MYO5B: variants seen among roughly 807,000 people sequenced by gnomAD.
MYO5B encodes the protein myosin VB.
MYO5B carries 143 observed loss-of-function variants against 229.3 expected under a neutral mutation model. The ratio of observed to expected loss-of-function variants is 0.62; its 90% CI spans 0.54 to 0.72. MYO5B has a LOEUF of 0.72. MYO5B is among the 30% of genes least tolerant of loss of function. The pLI is 0.00. For missense variants in MYO5B, 2,321 were observed against 2,331.0 expected, an observed-to-expected ratio of 1.00 and a Z score of 0.09; for synonymous variants, 918 against 885.2, an observed-to-expected ratio of 1.04 and a Z score of -0.66.
intron 1 of MYO5B, among the ~76,000 whole-genome samples, chr18:50,188,688 G>A (rs1487629798): frequency 1.3e-5 from 2 of 151,468 alleles, no homozygotes; most frequent in Non-Finnish European, 2.9e-5. Context: ...TCAGGAGGCT[G>A]AGGCCGCAGA....
intron 10 of MYO5B, 55 bp downstream of exon 10, chr18:49,974,295 T>A: frequency 6.2e-7 from 1 of 1,612,116 alleles, no homozygotes; most frequent in Non-Finnish European, 8.5e-7. Context: ...CTGTAAAGTA[T>A]GAGCAGGAAG....
At chr18:49,941,472 T>C (rs1787532) in intron 14 of MYO5B, among the ~76,000 whole-genome samples, 88,867 of 151,918 alleles carry the variant, frequency 0.58, 26,495 homozygotes, top group Middle Eastern at 0.73. Flanking sequence ...CTATTCACAA[T>C]ATGCAGAGTC....
intron 31 of MYO5B, chr18:49,850,928 A>G (rs1399562165): frequency 6.6e-6 from 1 of 152,530 alleles, no homozygotes; most frequent in African/African-American, 2.4e-5. Context: ...AGCCCAGTGA[A>G]TGGGGAGCCC....
intron 4 of MYO5B, among the ~76,000 whole-genome samples, chr18:50,012,080 G>A (rs1473822442): frequency 6.6e-6 from 1 of 151,798 alleles, no homozygotes. Flanking sequence ...TGGAGCTTAG[G>A]AAACTACTTC....
At chr18:49,954,803 A>G (rs941944283) in intron 12 of MYO5B, among the ~76,000 whole-genome samples, 1 of 152,198 alleles carries the variant, frequency 6.6e-6, no homozygotes, top group Non-Finnish European at 1.5e-5. Context: ...TCAGCATCAC[A>G]AAACACATCC....
chr18:50,027,292 C>A (rs1451183941), intron 4 of MYO5B, among the ~76,000 whole-genome samples: 2 of 152,164 alleles, frequency 1.3e-5, no homozygotes, highest in Non-Finnish European at 2.9e-5. Flanking sequence ...ACTTTGACAT[C>A]AGGAAAATGC....
chr18:49,901,273 G>A (rs1264546852), intron 21 of MYO5B, among the ~76,000 whole-genome samples: 1 of 152,228 alleles, frequency 6.6e-6, no homozygotes, highest in African/African-American at 2.4e-5. Flanking sequence ...TGAAGGGAAG[G>A]AGGACTGGCC....
intron 22 of MYO5B, among the ~76,000 whole-genome samples, chr18:49,889,094 G>A (rs2024679593): frequency 6.6e-6 from 1 of 152,222 alleles, no homozygotes; most frequent in African/African-American, 2.4e-5. Flanking sequence ...CCAAGTTAAG[G>A]AGCCTGCATT....
intron 8 of MYO5B, among the ~76,000 whole-genome samples, chr18:49,981,950 G>T (rs1270847353): frequency 4.6e-5 from 7 of 152,184 alleles, no homozygotes; most frequent in Non-Finnish European, 8.8e-5. Flanking sequence ...AAACACTGGG[G>T]TTTTTTGTCT....
intron 1 of MYO5B, among the ~76,000 whole-genome samples, chr18:50,118,490 G>C (rs2032003031): frequency 6.6e-6 from 1 of 152,222 alleles, no homozygotes; most frequent in African/African-American, 2.4e-5. Flanking sequence ...CTACAGCACA[G>C]AGTGCTGATC....
intron 4 of MYO5B, among the ~76,000 whole-genome samples, chr18:50,013,377 G>A (rs1338732415): frequency 6.6e-6 from 1 of 152,094 alleles, no homozygotes; most frequent in Non-Finnish European, 1.5e-5. Flanking sequence ...GGCTTCTGAG[G>A]CATCCCTCCC....
intron 35 of MYO5B, chr18:49,840,587 A>T (rs555636899): frequency 5.2e-5 from 8 of 152,442 alleles, no homozygotes; most frequent in African/African-American, 1.9e-4. Context: ...GAGATATGTG[A>T]AAGGAAGGGG....
intron 18 of MYO5B, among the ~76,000 whole-genome samples, chr18:49,907,322 T>C (rs761272090): frequency 6.6e-6 from 1 of 152,222 alleles, no homozygotes; most frequent in African/African-American, 2.4e-5. Context: ...CACAGTTGTA[T>C]GCATAATTAC....
chr18:50,174,042 T>A (rs1211132793), intron 1 of MYO5B, among the ~76,000 whole-genome samples: 1 of 151,876 alleles, frequency 6.6e-6, no homozygotes, highest in Non-Finnish European at 1.5e-5. Flanking sequence ...CCCAATCCAT[T>A]AAGGGCCCAA....
intron 9 of MYO5B, among the ~76,000 whole-genome samples, 173 bp from the exon 10 acceptor site, chr18:49,974,788 CACACACACAG>C (rs1389703404): frequency 2.6e-5 from 3 of 114,460 alleles, no homozygotes; most frequent in Non-Finnish European, 4.0e-5. Flanking sequence ...CTCACACACA[CACACACACAG>C]ACACACACAC....
intron 9 of MYO5B, among the ~76,000 whole-genome samples, chr18:49,976,786 T>C (rs957540684): frequency 5.9e-5 from 9 of 152,140 alleles, no homozygotes; most frequent in African/African-American, 2.2e-4. Context: ...CAAGATCCTT[T>C]TTCTCTGAAG....
intron 4 of MYO5B, among the ~76,000 whole-genome samples, chr18:50,022,835 T>C (rs79384685): frequency 0.028 from 4,254 of 152,118 alleles, 196 homozygotes; most frequent in African/African-American, 0.098. Context: ...CGCAGGCCCT[T>C]TACCCCCACC....
At chr18:50,044,386 T>C (rs2030161732) in intron 2 of MYO5B, among the ~76,000 whole-genome samples, 1 of 152,188 alleles carries the variant, frequency 6.6e-6, no homozygotes, top group Admixed American at 6.5e-5. Context: ...ATGAACTTTC[T>C]GGCACAAAAG....
chr18:50,068,307 C>T (rs2144442394), intron 1 of MYO5B, among the ~76,000 whole-genome samples: 1 of 152,316 alleles, frequency 6.6e-6, no homozygotes, highest in African/African-American at 2.4e-5. Context: ...GTTAAATCAT[C>T]CAGGTTCTGG....
Sources: allele counts gnomAD v4.1 joint callset (sites outside exome capture counted in the v4.1 genomes callset), GRCh38; gene constraint gnomAD v4.1.1; transcripts MANE v1.5; gene names NCBI Gene and HGNC (gene_info 2026-07-23, HGNC 2026-07-21).